CNTN5: variants seen among roughly 807,000 people sequenced by gnomAD.
CNTN5 encodes the protein contactin 5, also known as contactin-5.
CNTN5 carries 77 observed loss-of-function variants against 129.1 expected under a neutral mutation model. That is an observed-to-expected ratio of 0.60 (90% CI 0.50 to 0.72). The LOEUF is 0.72. Among genes scored for constraint, CNTN5 ranks in the 30% least tolerant of loss-of-function variants. CNTN5 has a pLI of 0.00. For synonymous variants in CNTN5, 509 were observed against 465.6 expected, an observed-to-expected ratio of 1.09 and a Z score of -1.20; for missense variants, 1,478 against 1,328.8, an observed-to-expected ratio of 1.11 and a Z score of -1.75.
intron 1 of CNTN5, among the ~76,000 whole-genome samples, chr11:99,139,524 G>A (rs888025235): frequency 6.6e-6 from 1 of 152,106 alleles, no homozygotes; most frequent in African/African-American, 2.4e-5. Context: ...GTAGAGACCC[G>A]AGCCGTTCAT....
chr11:99,558,225 C>T (rs1948735851), intron 3 of CNTN5: 1 of 369,896 alleles, frequency 2.7e-6, no homozygotes, highest in South Asian at 2.0e-5. Flanking sequence ...TTACTGTCTT[C>T]CCTGCTGATC....
intron 21 of CNTN5, among the ~76,000 whole-genome samples, chr11:100,322,862 A>T (rs1951721293): frequency 1.3e-5 from 2 of 152,148 alleles, no homozygotes; most frequent in African/African-American, 2.4e-5. Flanking sequence ...AAAATATCTG[A>T]TATATAATAT....
At chr11:99,654,135 T>C (rs1204247619) in intron 3 of CNTN5, among the ~76,000 whole-genome samples, 1 of 152,110 alleles carries the variant, frequency 6.6e-6, no homozygotes, top group Admixed American at 6.6e-5. Context: ...GAGTCTTTGC[T>C]TGAATTTTGA....
chr11:100,337,509 C>T (rs1952060188), intron 21 of CNTN5: 1 of 741,330 alleles, frequency 1.3e-6, no homozygotes, highest in Non-Finnish European at 2.5e-6. Flanking sequence ...TCTCAAGAAC[C>T]AGCTCAAACG....
chr11:100,249,877 T>C (rs544468253), intron 16 of CNTN5, among the ~76,000 whole-genome samples: 1 of 152,158 alleles, frequency 6.6e-6, no homozygotes, highest in South Asian at 2.1e-4. Flanking sequence ...CAGCATTCAG[T>C]ATATGATGTA....
chr11:99,916,272 A>C (rs1043872192), intron 7 of CNTN5, 123 bp downstream of exon 7: 1 of 663,316 alleles, frequency 1.5e-6, no homozygotes, highest in African/African-American at 1.8e-5. Flanking sequence ...CTTGACATCT[A>C]TCAGAGTGCC....
chr11:99,495,873 G>A (rs1052746046), intron 2 of CNTN5, among the ~76,000 whole-genome samples: 3 of 152,144 alleles, frequency 2.0e-5, no homozygotes, highest in African/African-American at 4.8e-5. Context: ...AATATAATAT[G>A]GTGACTGGGT....
chr11:99,847,203 T>C (rs928147016), intron 6 of CNTN5, among the ~76,000 whole-genome samples: 3 of 152,220 alleles, frequency 2.0e-5, no homozygotes, highest in Non-Finnish European at 4.4e-5. Flanking sequence ...TCATGCCAAC[T>C]TTTTTCTGCA....
intron 6 of CNTN5, among the ~76,000 whole-genome samples, chr11:99,893,008 G>A (rs551791535): frequency 6.6e-6 from 1 of 152,236 alleles, no homozygotes; most frequent in East Asian, 1.9e-4. Flanking sequence ...TGAGCATTAA[G>A]TGCTCTATTT....
chr11:99,449,900 A>G (rs1378484150), intron 2 of CNTN5, among the ~76,000 whole-genome samples: 2 of 152,232 alleles, frequency 1.3e-5, no homozygotes, highest in Non-Finnish European at 2.9e-5. Context: ...GTCTATGGTC[A>G]TGGATGTATT....
intron 19 of CNTN5, among the ~76,000 whole-genome samples, chr11:100,298,332 A>G (rs978236906): frequency 2.6e-5 from 4 of 151,278 alleles, no homozygotes; most frequent in East Asian, 2.0e-4. Context: ...AAAACTTCAT[A>G]TATTTTTTTG....
chr11:99,619,181 TAAAAC>T (rs1267592505), intron 3 of CNTN5, among the ~76,000 whole-genome samples: 21 of 151,798 alleles, frequency 1.4e-4, no homozygotes, highest in African/African-American at 1.9e-4. Flanking sequence ...AGTTTTTTGT[TAAAAC>T]AAAAAAATCA....
chr11:99,710,253 A>C (rs564451888), intron 3 of CNTN5, among the ~76,000 whole-genome samples: 1 of 151,814 alleles, frequency 6.6e-6, no homozygotes, highest in Non-Finnish European at 1.5e-5. Context: ...ACCCTGCGTC[A>C]AGAATCCTAT....
At chr11:100,145,503 A>G (rs1946823489) in intron 13 of CNTN5, among the ~76,000 whole-genome samples, 2 of 152,162 alleles carry the variant, frequency 1.3e-5, no homozygotes, top group Admixed American at 1.3e-4. Context: ...CACGGTTTGT[A>G]TTTAAATGGA....
At chr11:99,801,186 A>G (rs1370280013) in intron 3 of CNTN5, among the ~76,000 whole-genome samples, 1 of 152,270 alleles carries the variant, frequency 6.6e-6, no homozygotes, top group South Asian at 2.1e-4. Flanking sequence ...TGTTTCATGT[A>G]TGAAGTTCAG....
chr11:99,359,489 G>T (rs1281602820), intron 2 of CNTN5, among the ~76,000 whole-genome samples: 1 of 151,836 alleles, frequency 6.6e-6, no homozygotes, highest in Admixed American at 6.6e-5. Flanking sequence ...TCTACAAAAT[G>T]TATGTTCTTC....
intron 18 of CNTN5, among the ~76,000 whole-genome samples, chr11:100,272,190 A>G (rs943191378): frequency 6.6e-6 from 1 of 152,168 alleles, no homozygotes; most frequent in African/African-American, 2.4e-5. Context: ...GGTTTGTCAT[A>G]TATGTTCACT....
chr11:99,544,287 C>T (rs568132461), intron 2 of CNTN5, among the ~76,000 whole-genome samples: 27 of 152,216 alleles, frequency 1.8e-4, no homozygotes, highest in Middle Eastern at 3.4e-3. Flanking sequence ...CCACTAGGCC[C>T]GACTTCCAAC....
intron 13 of CNTN5, among the ~76,000 whole-genome samples, chr11:100,086,772 A>G (rs569729022): frequency 2.0e-5 from 3 of 151,562 alleles, no homozygotes; most frequent in Non-Finnish European, 3.0e-5. Context: ...TTGTTTAACT[A>G]TATCAATACA....
Sources: gnomAD v4.1 joint callset for allele counts (sites outside exome capture counted in the v4.1 genomes callset) on GRCh38, gnomAD v4.1.1 for gene constraint, MANE v1.5 for transcripts, NCBI Gene and HGNC (gene_info 2026-07-23, HGNC 2026-07-21) for gene names.